Variants in COL4A2 observed in about 807,000 individuals in gnomAD.
COL4A2 encodes collagen alpha-2(IV) chain.
In COL4A2, 99 loss-of-function variants were observed where a neutral mutation model predicts 200.2. That is an observed-to-expected ratio of 0.49 (90% CI 0.42 to 0.58). The LOEUF (loss-of-function observed/expected upper bound fraction) is 0.58. COL4A2 is among the 20% of genes least tolerant of loss of function. The pLI is 0.00. For synonymous variants in COL4A2, 897 were observed against 900.6 expected, an observed-to-expected ratio of 1.00 and a Z score of 0.07; for missense variants, 1,950 against 2,314.1, an observed-to-expected ratio of 0.84 and a Z score of 3.23.
At position 110,439,823 on chromosome 13, in the gene COL4A2, C is replaced by G. The variant is rs779390986; in HGVS notation, c.947C>G (p.Pro316Arg). 2 of 1,613,894 alleles carry G rather than the reference C, an allele frequency of 1.2e-6. No individual in the cohort carries two copies. The highest frequency in any genetic ancestry group is 4.5e-5 in the East Asian group (2 of 44,864). ...GGCTTGAGTGGTGAAAAAGGATCAC[C>G]AGGACAGAAGGTAAGTTGGATGCAT... ...YPGLSGEKGS[P>R]GQKGSRGLDG... Residue 316 changes from proline (P) to arginine (R), a missense_variant, in exon 16 of 48, where the codon CCA becomes CGA. Pro to Arg is a moderately radical substitution (Grantham distance 103, BLOSUM62 -2). This residue lies in a region of COL4A2 where 565 missense variants were observed against 593.5 expected (regional missense o/e 0.95). Coordinates refer to ENST00000360467, the MANE Select transcript of COL4A2 (RefSeq NM_001846.4).
rs1257391438 is a variant in COL4A2 at position 110,473,168 on chromosome 13, G to A, written c.2425+18G>A. On this transcript the variant is annotated intron_variant, in intron 29 of 47. Coordinates refer to ENST00000360467, the MANE Select transcript of COL4A2 (RefSeq NM_001846.4). ...ATTCAGAGGTGAGTGCCCCATCGGG[G>A]AGCCGGGGGCCCCATCCCAGATGCA... 6.5e-7 allele frequency: 1 copy of A among 1,548,414 alleles called. No homozygotes were observed. Among genetic ancestry groups the A allele is most frequent in the Non-Finnish European group, 8.7e-7 (1 of 1,146,490 alleles).
At chr13:110,438,132 G>A (rs893974402) in intron 14 of COL4A2, 95 bp downstream of exon 14, 108 of 924,736 alleles carry the variant, frequency 1.2e-4, no homozygotes, top group Non-Finnish European at 1.6e-4. Context: ...CTCGGGGCCC[G>A]CACACCGCCA....
Position 110,372,902 on chromosome 13 carries a change from T to C in COL4A2, c.180+15350T>C, listed in dbSNP as rs370257449. ...TGTGCACACTGCATGTCATGGAAGG[T>C]CATTGTTCTGGTTCACATGATTTTA... On this transcript the variant is annotated intron_variant, in intron 4 of 47. Coordinates refer to ENST00000360467, the MANE Select transcript of COL4A2 (RefSeq NM_001846.4). 8.5e-5 allele frequency among the ~76,000 whole-genome samples: 13 copies of C among 152,356 alleles called. No homozygotes were observed. In the East Asian group the frequency reaches 1.7e-3, roughly 20 times the overall value.
At position 110,485,705 on chromosome 13, in the gene COL4A2, C is replaced by T; in HGVS notation, c.3076C>T (p.Pro1026Ser). ...AGGGCTGTCAGGAATCCCTGGGCTG[C>T]CTGGGAGGCCCGGCCACATCAAAGG... is the stretch of plus-strand genomic sequence containing the variant. ...IPGLSGIPGL[P>S]GRPGHIKGVK... The change falls in exon 34 of 48, where the codon CCT becomes TCT. Residue 1026 changes from proline (P) to serine (S), a missense_variant. By Grantham distance (74) the Pro-to-Ser change is moderately conservative (BLOSUM62 -1). Around this residue, in one of 2 missense-constraint regions of COL4A2, gnomAD observed 1,385 missense variants for 1,720.5 expected, o/e 0.80. Coordinates refer to ENST00000360467, the MANE Select transcript of COL4A2 (RefSeq NM_001846.4). The T allele has an allele frequency of 6.2e-7, 1 of 1,613,312 alleles. No homozygotes were observed. Among genetic ancestry groups the T allele is most frequent in the South Asian group, 1.1e-5 (1 of 91,058 alleles).
chr13:110,449,611 A>G, intron 18 of COL4A2, 68 bp from the exon 19 acceptor site: 1 of 1,445,196 alleles, frequency 6.9e-7, no homozygotes, highest in African/African-American at 1.4e-5. Flanking sequence ...GTCAATGAAA[A>G]AGTGAACGCC....
At chr13:110,509,711 G>C (rs1282582703) in intron 47 of COL4A2, among the ~76,000 whole-genome samples, 1 of 152,122 alleles carries the variant, frequency 6.6e-6, no homozygotes, top group Non-Finnish European at 1.5e-5. Flanking sequence ...TGACTGTCAC[G>C]AGATAAGCAG....
chr13:110,311,446 G>A (rs1884980236), intron 3 of COL4A2, among the ~76,000 whole-genome samples: 1 of 152,176 alleles, frequency 6.6e-6, no homozygotes, highest in Admixed American at 6.5e-5. Context: ...CAGTCTGGTG[G>A]GCAGCTGAGG....
intron 24 of COL4A2, 129 bp downstream of exon 24, chr13:110,462,513 C>A: frequency 3.8e-6 from 3 of 787,298 alleles, no homozygotes; most frequent in Non-Finnish European, 6.0e-6. Flanking sequence ...GCTGCTCATT[C>A]TGCTCATTCT....
At chr13:110,509,268 T>TATATATATAC (rs1555334046) in intron 47 of COL4A2, among the ~76,000 whole-genome samples, 1 of 120,622 alleles carries the variant, frequency 8.3e-6, no homozygotes, top group Non-Finnish European at 1.6e-5. Context: ...TATATATATA[T>TATATATATAC]ATACACACAC....
intron 4 of COL4A2, among the ~76,000 whole-genome samples, chr13:110,380,626 G>A (rs985367283): frequency 3.6e-4 from 54 of 152,030 alleles, no homozygotes; most frequent in Admixed American, 2.0e-3. Context: ...ACACCCACAG[G>A]GCTCTACGTC....
In COL4A2 at chr13:110,330,238, C is replaced by T. The variant is rs371160383; in HGVS notation, c.99+22115C>T. Among the ~76,000 whole-genome samples, 31 of 152,204 alleles carry T rather than the reference C, an allele frequency of 2.0e-4. No homozygotes were observed. The South Asian group carries it at 4.2e-3, about 20-fold the overall frequency. On this transcript the variant is annotated intron_variant, in intron 3 of 47. Transcript: ENST00000360467. Reference sequence around the variant, plus strand: ...CAAGCAAGCTAAATAAAGGAATTTTCGGTATTATAACGGTCACTAAGCAGA... The same window carrying T: ...CAAGCAAGCTAAATAAAGGAATTTTTGGTATTATAACGGTCACTAAGCAGA...
chr13:110,319,641 TGG>T (rs1286608562), intron 3 of COL4A2, among the ~76,000 whole-genome samples: 1 of 152,202 alleles, frequency 6.6e-6, no homozygotes, highest in Non-Finnish European at 1.5e-5. Context: ...AGATTCCCGC[TGG>T]AAATTTCAGG....
chr13:110,438,502 TG>T, intron 14 of COL4A2, 115 bp from the exon 15 acceptor site: 1 of 1,374,308 alleles, frequency 7.3e-7, no homozygotes, highest in Non-Finnish European at 1.0e-6. Context: ...CCAGGCGGTC[TG>T]GACACCATCG....
chr13:110,402,891 G>A (rs534832710), intron 4 of COL4A2, among the ~76,000 whole-genome samples: 57 of 152,330 alleles, frequency 3.7e-4, no homozygotes, highest in African/African-American at 1.3e-3. Flanking sequence ...TTGGCACCAC[G>A]TGGAGGTCAC....
rs1878634554 is a variant in COL4A2 at position 110,385,095 on chromosome 13, T to A, written c.180+27543T>A. On this transcript the variant is annotated intron_variant, in intron 4 of 47. Coordinates refer to ENST00000360467, the MANE Select transcript of COL4A2 (RefSeq NM_001846.4). ...TTGGCTAACACGGTAAAACACTGTC[T>A]ACTAAAAATAGAAAAAATTAGCCAG... is the stretch of plus-strand genomic sequence containing the variant. 2.0e-5 allele frequency among the ~76,000 whole-genome samples: 3 copies of A among 152,004 alleles called. No individual in the cohort carries two copies. In the South Asian group the frequency reaches 6.2e-4, roughly 32 times the overall value.
At chr13:110,412,175 G>T (rs897689350) in intron 4 of COL4A2, among the ~76,000 whole-genome samples, 1 of 152,216 alleles carries the variant, frequency 6.6e-6, no homozygotes, top group African/African-American at 2.4e-5. Flanking sequence ...CAACCAATCA[G>T]TGATTGAGTT....
rs1884853306 is a variant in COL4A2, at chr13:110,308,140, G to A, written c.99+17G>A. 2 of 1,613,164 alleles carry A rather than the reference G, an allele frequency of 1.2e-6. No individual in the cohort carries two copies. Among genetic ancestry groups the A allele is most frequent in the East Asian group, 4.5e-5 (2 of 44,862 alleles). On this transcript the variant is annotated intron_variant, in intron 3 of 47. Transcript: ENST00000360467. The stretch of plus-strand genomic sequence containing the variant: ...GTCTTGGCGGTAAGTCCTGGCTCCC[G>A]CGCTTGGACTTGCGCGCCCGAGAGT...
rs577151723 is a variant in COL4A2, at chr13:110,362,298, C to A, written c.180+4746C>A. On this transcript the variant is annotated intron_variant, in intron 4 of 47. Transcript: ENST00000360467. ...TTGGAATAATTATAAATGATAAGTT[C>A]GATTCATTGATACTGCATGTTCTCA... 5.3e-4 allele frequency among the ~76,000 whole-genome samples: 81 copies of A among 152,238 alleles called. 4 individuals are homozygous for A. In the South Asian group the frequency reaches 0.016, roughly 30 times the overall value.
intron 28 of COL4A2, among the ~76,000 whole-genome samples, chr13:110,472,209 G>A (rs1274683163): frequency 2.0e-5 from 3 of 150,362 alleles, no homozygotes; most frequent in African/African-American, 4.9e-5. Flanking sequence ...TCCGCCTCCC[G>A]GGTTCACGCC....
Sources: allele counts gnomAD v4.1 joint callset (sites outside exome capture counted in the v4.1 genomes callset), GRCh38; gene constraint gnomAD v4.1.1; regional missense constraint gnomAD v4.1.1; transcripts MANE v1.5; gene names NCBI Gene and HGNC (gene_info 2026-07-23, HGNC 2026-07-21).